Variants in AP3B1 observed in about 807,000 individuals in gnomAD.
The protein encoded by AP3B1 is AP-3 complex subunit beta-1.
A neutral mutation model predicts 132.5 loss-of-function variants in AP3B1; 61 were observed. The ratio of observed to expected loss-of-function variants is 0.46; its 90% CI spans 0.37 to 0.57. The LOEUF (loss-of-function observed/expected upper bound fraction) is 0.57, where lower values mean the gene tolerates loss of function less well. Among genes scored for constraint, AP3B1 ranks in the 20% least tolerant of loss-of-function variants. The pLI, the probability that AP3B1 is intolerant of heterozygous loss-of-function variation, is 0.00. For synonymous variants in AP3B1, 388 were observed against 438.3 expected, an observed-to-expected ratio of 0.89 and a Z score of 1.43; for missense variants, 1,120 against 1,289.4, an observed-to-expected ratio of 0.87 and a Z score of 2.01.
At chr5:78,080,594 C>T (rs1749953283) in intron 22 of AP3B1, among the ~76,000 whole-genome samples, 1 of 140,956 alleles carries the variant, frequency 7.1e-6, no homozygotes, top group African/African-American at 2.6e-5. Flanking sequence ...CCAAATTACT[C>T]TCTGAAATAC....
intron 1 of AP3B1, among the ~76,000 whole-genome samples, chr5:78,288,200 T>C (rs1561223347): frequency 6.6e-6 from 1 of 152,226 alleles, no homozygotes; most frequent in Non-Finnish European, 1.5e-5. Context: ...TTTCAATAGG[T>C]ATGCCACACT....
chr5:78,156,448 A>G (rs1743153106), intron 13 of AP3B1, 81 bp from the exon 14 acceptor site: 3 of 1,052,416 alleles, frequency 2.9e-6, no homozygotes, highest in Non-Finnish European at 4.4e-6. Flanking sequence ...GTAAACTTAA[A>G]TTAGAAAAAC....
Position 78,131,381 on chromosome 5 carries a change from C to A in AP3B1, c.1651-2074G>T, listed in dbSNP as rs114189385. Among the ~76,000 whole-genome samples, 331 of 151,620 alleles carry A rather than the reference C, an allele frequency of 2.2e-3. 1 individual carries two copies. The highest frequency in any genetic ancestry group is 7.7e-3 in the African/African-American group (319 of 41,386). Reference sequence around the variant, plus strand: ...TATTTGGGTATAATGGAGAAAATACCCTCTTTACAGTATTTCTGGACAATC... The same window carrying A: ...TATTTGGGTATAATGGAGAAAATACACTCTTTACAGTATTTCTGGACAATC... On this transcript the variant is annotated intron_variant, in intron 15 of 26. Transcript: ENST00000255194.
intron 20 of AP3B1, among the ~76,000 whole-genome samples, chr5:78,104,030 T>C (rs1419423756): frequency 1.3e-5 from 2 of 152,044 alleles, no homozygotes; most frequent in Non-Finnish European, 1.5e-5. Context: ...AGGAAACCAT[T>C]GTAAAGAGGT....
At chr5:78,093,250 T>C (rs1005064304) in intron 21 of AP3B1, among the ~76,000 whole-genome samples, 1 of 152,152 alleles carries the variant, frequency 6.6e-6, no homozygotes, top group African/African-American at 2.4e-5. Flanking sequence ...TGGAGTGCAA[T>C]GGCACAATTG....
intron 1 of AP3B1, among the ~76,000 whole-genome samples, chr5:78,275,671 C>T (rs1748742981): frequency 2.6e-5 from 4 of 152,116 alleles, no homozygotes; most frequent in Admixed American, 2.6e-4. Context: ...GGACAGTTTT[C>T]ACCATGTTGG....
At chr5:78,254,149 T>C (rs1192484232) in intron 2 of AP3B1, among the ~76,000 whole-genome samples, 2 of 151,108 alleles carry the variant, frequency 1.3e-5, no homozygotes, top group Non-Finnish European at 2.9e-5. Flanking sequence ...TCTTTGGAAA[T>C]ACACGGTCAG....
intron 22 of AP3B1, chr5:78,087,795 A>AAT: frequency 3.2e-6 from 2 of 629,164 alleles, no homozygotes; most frequent in Non-Finnish European, 4.0e-6. Flanking sequence ...TATTATTAAT[A>AAT]AAGTAGAAGA....
intron 22 of AP3B1, among the ~76,000 whole-genome samples, chr5:78,078,072 C>T (rs927733019): frequency 2.0e-5 from 3 of 152,112 alleles, no homozygotes; most frequent in African/African-American, 7.2e-5. Context: ...CACACATGTG[C>T]ACATGCTTGT....
At chr5:78,061,178 T>C (rs1749040859) in intron 22 of AP3B1, among the ~76,000 whole-genome samples, 3 of 151,930 alleles carry the variant, frequency 2.0e-5, no homozygotes, top group Admixed American at 2.0e-4. Flanking sequence ...ACATCCCTCA[T>C]TGATCAAAAG....
At chr5:78,096,836 A>AG (rs1324995985) in intron 21 of AP3B1, among the ~76,000 whole-genome samples, 5 of 146,034 alleles carry the variant, frequency 3.4e-5, no homozygotes, top group African/African-American at 7.8e-5. Flanking sequence ...TCCGGGAGGG[A>AG]GGGGGGGCTC....
chr5:78,029,861 C>T (rs1453520550), intron 24 of AP3B1, among the ~76,000 whole-genome samples: 2 of 152,032 alleles, frequency 1.3e-5, no homozygotes, highest in Non-Finnish European at 2.9e-5. Context: ...AGTTATAATA[C>T]ATCACATTTC....
chr5:78,226,884 C>T (rs928939467), intron 5 of AP3B1, among the ~76,000 whole-genome samples: 11 of 151,880 alleles, frequency 7.2e-5, no homozygotes, highest in Non-Finnish European at 1.6e-4. Flanking sequence ...TTTCAAATCA[C>T]TACACTTTTT....
At chr5:78,206,309 C>T (rs935491853) in intron 7 of AP3B1, among the ~76,000 whole-genome samples, 1 of 152,130 alleles carries the variant, frequency 6.6e-6, no homozygotes, top group African/African-American at 2.4e-5. Flanking sequence ...CTAGAGGGAA[C>T]AGGAGGTGTA....
At chr5:78,153,648 T>C (rs963711075) in intron 14 of AP3B1, among the ~76,000 whole-genome samples, 1 of 152,170 alleles carries the variant, frequency 6.6e-6, no homozygotes, top group Admixed American at 6.5e-5. Context: ...TTCTTCCTGT[T>C]TTCCTTTTAA....
chr5:78,231,696 G>A (rs182848737), intron 3 of AP3B1, among the ~76,000 whole-genome samples: 1 of 152,282 alleles, frequency 6.6e-6, no homozygotes, highest in East Asian at 1.9e-4. Context: ...CCCAACTGCA[G>A]AAACTTTAAA....
At chr5:78,202,564 T>TGTGA (rs1039412198) in intron 7 of AP3B1, among the ~76,000 whole-genome samples, 1 of 137,122 alleles carries the variant, frequency 7.3e-6, no homozygotes, top group Non-Finnish European at 1.6e-5. Flanking sequence ...TGTGTGTGTG[T>TGTGA]GTGTGTGTGT....
intron 24 of AP3B1, among the ~76,000 whole-genome samples, chr5:78,033,801 C>T (rs1747680449): frequency 6.6e-6 from 1 of 151,868 alleles, no homozygotes; most frequent in South Asian, 2.1e-4. Context: ...CTCTTCTGAA[C>T]AGCATTCAGC....
chr5:78,288,035 G>A (rs1749356141), intron 1 of AP3B1, among the ~76,000 whole-genome samples: 1 of 152,158 alleles, frequency 6.6e-6, no homozygotes, highest in East Asian at 1.9e-4. Context: ...TCACAATGAG[G>A]AAGGAGCCCG....
Sources: gnomAD v4.1 joint callset for allele counts (sites outside exome capture counted in the v4.1 genomes callset) on GRCh38, gnomAD v4.1.1 for gene constraint, MANE v1.5 for transcripts, NCBI Gene and HGNC (gene_info 2026-07-23, HGNC 2026-07-21) for gene names.